ARHGEF38: variants seen among roughly 807,000 people sequenced by gnomAD.
The protein encoded by ARHGEF38 is Rho guanine nucleotide exchange factor 38.
Under a neutral mutation model 79.9 loss-of-function variants are expected in ARHGEF38, and 79 were observed. The observed-to-expected ratio is 0.99, with a 90% CI of 0.82 to 1.19. The LOEUF (loss-of-function observed/expected upper bound fraction) is 1.19, where lower values mean the gene tolerates loss of function less well. Among genes scored for constraint, ARHGEF38 ranks in the 50% most tolerant of loss-of-function variants. The pLI is 0.00. For missense variants in ARHGEF38, 962 were observed against 907.2 expected (o/e 1.06, Z -0.78); for synonymous variants, 366 against 328.3 (o/e 1.11, Z -1.24).
chr4:105,582,817 A>G lies in ARHGEF38; in HGVS notation c.197-6431A>G, dbSNP rs575520472. On this transcript the variant is annotated intron_variant, in intron 1 of 13. Coordinates refer to ENST00000420470, the MANE Select transcript of ARHGEF38 (RefSeq NM_001242729.2). The stretch of plus-strand genomic sequence containing the variant: ...TTCACTTTTTGCTTCACATGTTTTG[A>G]AATCATGTTATTTAGTACATACAGA... Among the ~76,000 whole-genome samples the G allele has an allele frequency of 3.0e-4, 45 of 152,306 alleles. 2 individuals are homozygous for G. In the South Asian group the frequency reaches 9.1e-3, roughly 31 times the overall value.
chr4:105,679,286 C>T lies in ARHGEF38; in HGVS notation c.*1349C>T. ...TTTAGCTGGCACTGAGAGTATCCAGCCGGAATCATGCCACTTTGCCTGTAA... is the reference window on the plus strand; with the variant it reads ...TTTAGCTGGCACTGAGAGTATCCAGTCGGAATCATGCCACTTTGCCTGTAA... On this transcript the variant is annotated 3_prime_UTR_variant, in exon 14 of 14. Coordinates refer to ENST00000420470, the MANE Select transcript of ARHGEF38 (RefSeq NM_001242729.2). 1 of 725,324 alleles carries T rather than the reference C, an allele frequency of 1.4e-6. No individual in the cohort carries two copies. The highest frequency in any genetic ancestry group is 2.5e-6 in the Non-Finnish European group (1 of 408,094). 44.9% of individuals were successfully genotyped at this position (725,324 alleles called of 1,614,324 possible).
At chr4:105,680,955 C>T (rs373926801), downstream of ARHGEF38, 2 of 152,034 alleles carry the variant, frequency 1.3e-5, no homozygotes, top group African/African-American at 2.4e-5. Flanking sequence ...GTTATAGTTG[C>T]GGAGCTGAGT....
chr4:105,636,359 T>C (rs973470092), intron 4 of ARHGEF38, 44 bp from the exon 5 acceptor site: 1 of 370,926 alleles, frequency 2.7e-6, no homozygotes, highest in Non-Finnish European at 4.2e-6. Flanking sequence ...TTACCTTAAA[T>C]ATACAGATTT....
intron 1 of ARHGEF38, among the ~76,000 whole-genome samples, chr4:105,574,716 G>C (rs900833145): frequency 6.6e-6 from 1 of 151,788 alleles, no homozygotes; most frequent in Admixed American, 6.6e-5. Flanking sequence ...CTTGTTTGTT[G>C]GATTAAAAAA....
chr4:105,579,912 C>T (rs1726699047), intron 1 of ARHGEF38, among the ~76,000 whole-genome samples: 1 of 152,042 alleles, frequency 6.6e-6, no homozygotes, highest in East Asian at 1.9e-4. Context: ...TTTTGGAGCT[C>T]ATTATTGGTC....
intron 1 of ARHGEF38, among the ~76,000 whole-genome samples, chr4:105,554,465 G>T (rs4699187): frequency 0.88 from 134,198 of 152,232 alleles, 59,520 homozygotes; most frequent in African/African-American, 0.92. Context: ...TATTTGGTTT[G>T]CTGTTCCAGC....
At chr4:105,602,945 G>A (rs1218042254) in intron 2 of ARHGEF38, among the ~76,000 whole-genome samples, 1 of 152,048 alleles carries the variant, frequency 6.6e-6, no homozygotes, top group East Asian at 1.9e-4. Flanking sequence ...TGGTTCTTGG[G>A]ATTCATACTG....
chr4:105,647,882 T>C (rs925054346), intron 6 of ARHGEF38, among the ~76,000 whole-genome samples: 1 of 148,632 alleles, frequency 6.7e-6, no homozygotes, highest in Non-Finnish European at 1.5e-5. Context: ...TTGTCTTTTC[T>C]TTTCTATTTT....
chr4:105,661,328 A>G (rs531285224), intron 10 of ARHGEF38, among the ~76,000 whole-genome samples: 1 of 152,006 alleles, frequency 6.6e-6, no homozygotes, highest in African/African-American at 2.4e-5. Context: ...ATTTCTGTTG[A>G]TTATATACCT....
At chr4:105,575,594 T>C (rs1726457298) in intron 1 of ARHGEF38, among the ~76,000 whole-genome samples, 1 of 152,172 alleles carries the variant, frequency 6.6e-6, no homozygotes, top group Non-Finnish European at 1.5e-5. Context: ...TTCTCCACTC[T>C]TGATTGTCTG....
chr4:105,566,752 CTTT>C (rs70938197), intron 1 of ARHGEF38, among the ~76,000 whole-genome samples: 1 of 140,872 alleles, frequency 7.1e-6, no homozygotes, highest in Non-Finnish European at 1.5e-5. Context: ...TGGCAGCCAT[CTTT>C]TTTTTTTTTT....
chr4:105,613,395 G>T lies in ARHGEF38; in HGVS notation c.396G>T (p.Leu132=), dbSNP rs770638859. Residue 132 remains leucine, a synonymous_variant, in exon 3 of 14, where the codon CTG becomes CTT. Coordinates refer to ENST00000420470, the MANE Select transcript of ARHGEF38 (RefSeq NM_001242729.2). ...TTTTGTTTCTTCAGACTGATAGGCT[G>T]GATGTGGATAGCTTGTTTAGCAACA... The part of the protein sequence containing the change: ...QPLRNKKTDR[L]DVDSLFSNIE... 1 of 1,613,004 alleles carries T rather than the reference G, an allele frequency of 6.2e-7. No individual in the cohort carries two copies. The highest frequency in any genetic ancestry group is 2.2e-5 in the East Asian group (1 of 44,856).
chr4:105,586,207 A>G (rs1727039055), intron 1 of ARHGEF38, among the ~76,000 whole-genome samples: 1 of 151,354 alleles, frequency 6.6e-6, no homozygotes, highest in Admixed American at 6.6e-5. Flanking sequence ...ATGTGTCCAC[A>G]ATGCATTGCA....
intron 1 of ARHGEF38, among the ~76,000 whole-genome samples, chr4:105,581,212 T>G (rs1287634240): frequency 6.6e-6 from 1 of 152,168 alleles, no homozygotes; most frequent in African/African-American, 2.4e-5. Context: ...TGCCTTTTCT[T>G]TGAAGATTTA....
intron 1 of ARHGEF38, among the ~76,000 whole-genome samples, chr4:105,561,404 A>G (rs1464805151): frequency 5.3e-5 from 2 of 37,822 alleles, no homozygotes; most frequent in Non-Finnish European, 5.6e-5. Flanking sequence ...GTAGAATAAT[A>G]GAATAGAATA....
intron 2 of ARHGEF38, among the ~76,000 whole-genome samples, chr4:105,594,081 A>G (rs1314168810): frequency 3.9e-5 from 6 of 152,118 alleles, no homozygotes; most frequent in Admixed American, 1.3e-4. Context: ...ATTTCATTCT[A>G]TTAGTTCTCT....
At position 105,679,265 on chromosome 4, in the gene ARHGEF38, G is replaced by T; in HGVS notation, c.*1328G>T. 2 of 685,312 alleles carry T rather than the reference G, an allele frequency of 2.9e-6. No individual in the cohort carries two copies. Among genetic ancestry groups the T allele is most frequent in the East Asian group, 2.5e-5 (1 of 39,350 alleles). 42.5% of individuals were successfully genotyped at this position (685,312 alleles called of 1,614,324 possible). A position where few individuals can be genotyped will look rare whatever the true frequency, so the allele number is the denominator to read the frequency against. ...ATATTCTTTAATTTCAGGTAATTTA[G>T]CTGGCACTGAGAGTATCCAGCCGGA... On this transcript the variant is annotated 3_prime_UTR_variant, in exon 14 of 14. Transcript: ENST00000420470.
chr4:105,558,305 G>A (rs780418140), intron 1 of ARHGEF38, among the ~76,000 whole-genome samples: 1 of 152,188 alleles, frequency 6.6e-6, no homozygotes, highest in Non-Finnish European at 1.5e-5. Flanking sequence ...GGTGAGTTTT[G>A]TTCAAGGCCA....
chr4:105,633,020 A>G (rs1162328979), intron 4 of ARHGEF38: 1 of 152,662 alleles, frequency 6.6e-6, no homozygotes, highest in Non-Finnish European at 1.5e-5. Context: ...ACTGAAAATT[A>G]TTTTCAGACC....
Sources: allele counts gnomAD v4.1 joint callset (sites outside exome capture counted in the v4.1 genomes callset), GRCh38; gene constraint gnomAD v4.1.1; transcripts MANE v1.5; gene names NCBI Gene and HGNC (gene_info 2026-07-23, HGNC 2026-07-21).